ZNF106: variants seen among roughly 807,000 people sequenced by gnomAD.
ZNF106 encodes the protein SH3-domain binding protein 3.
ZNF106 carries 67 observed loss-of-function variants against 195.1 expected under a neutral mutation model. The observed-to-expected ratio is 0.34, with a 90% CI of 0.28 to 0.42. ZNF106 has a LOEUF of 0.42. ZNF106 is among the 10% of genes least tolerant of loss of function. The pLI is 1.00. For synonymous variants in ZNF106, 784 were observed against 818.6 expected (o/e 0.96, Z 0.72); for missense variants, 2,118 against 2,304.5 (o/e 0.92, Z 1.66).
At chr15:42,421,271 A>C in intron 19 of ZNF106, 139 bp from the exon 20 acceptor site, 1 of 754,348 alleles carries the variant, frequency 1.3e-6, no homozygotes, top group South Asian at 1.6e-5. Flanking sequence ...GAGCAGGAGA[A>C]TGGGAAAGTA....
At chr15:42,464,331 C>T (rs1178904988) in intron 3 of ZNF106, among the ~76,000 whole-genome samples, 1 of 146,726 alleles carries the variant, frequency 6.8e-6, no homozygotes, top group East Asian at 2.0e-4. Flanking sequence ...CAGAGTGAGA[C>T]TCCGTCTCAA....
intron 14 of ZNF106, among the ~76,000 whole-genome samples, chr15:42,434,552 T>C (rs1196835242): frequency 1.3e-5 from 2 of 152,202 alleles, no homozygotes; most frequent in Non-Finnish European, 2.9e-5. Flanking sequence ...CTTCTTTATG[T>C]TCCTGTTATC....
At chr15:42,481,291 G>C (rs2056892755) in intron 1 of ZNF106, among the ~76,000 whole-genome samples, 1 of 149,764 alleles carries the variant, frequency 6.7e-6, no homozygotes, top group Non-Finnish European at 1.5e-5. Flanking sequence ...TTATAGTGCA[G>C]ATCTACTAGC....
chr15:42,464,609 C>T (rs1406616934), intron 3 of ZNF106, among the ~76,000 whole-genome samples: 1 of 148,170 alleles, frequency 6.7e-6, no homozygotes, highest in Non-Finnish European at 1.5e-5. Context: ...CTCACTGCAA[C>T]CTCCACCTCC....
At chr15:42,437,160 T>C (rs1375804084) in intron 13 of ZNF106, 72 bp downstream of exon 13, 1 of 1,505,216 alleles carries the variant, frequency 6.6e-7, no homozygotes, top group East Asian at 2.3e-5. Flanking sequence ...TTCCCTTTAT[T>C]GTTTAAAAAA....
In ZNF106 at chr15:42,417,193, A is replaced by G; in HGVS notation, c.*111T>C. 8.4e-7 allele frequency: 1 copy of G among 1,192,440 alleles called. No individual in the cohort carries two copies. Among genetic ancestry groups the G allele is most frequent in the South Asian group, 1.3e-5 (1 of 74,914 alleles). 73.9% of individuals were successfully genotyped at this position (1,192,440 alleles called of 1,614,324 possible). A position where few individuals can be genotyped will look rare whatever the true frequency, so the allele number is the denominator to read the frequency against. ...ATGCTAGGGGTATGCCTGGCTAGTA[A>G]CCACTTTCTCCTTCCTTACTTCACC... On this transcript the variant is annotated 3_prime_UTR_variant, in exon 22 of 22. Coordinates refer to ENST00000564754, the MANE Select transcript of ZNF106 (RefSeq NM_001366845.3).
intron 3 of ZNF106, 35 bp downstream of exon 3, chr15:42,466,018 A>T: frequency 1.3e-6 from 2 of 1,510,298 alleles, no homozygotes; most frequent in East Asian, 2.5e-5. Flanking sequence ...ATCCACCCAC[A>T]TTCACAAACT....
chr15:42,460,197 T>C (rs2056355783), intron 3 of ZNF106, among the ~76,000 whole-genome samples: 1 of 152,168 alleles, frequency 6.6e-6, no homozygotes, highest in Admixed American at 6.6e-5. Context: ...GTATAATCCC[T>C]AAAAAGTATT....
chr15:42,475,319 G>A (rs932856022), intron 1 of ZNF106, among the ~76,000 whole-genome samples: 1 of 152,162 alleles, frequency 6.6e-6, no homozygotes, highest in African/African-American at 2.4e-5. Flanking sequence ...GCACGTGCCT[G>A]TAATCCCAGC....
intron 1 of ZNF106, among the ~76,000 whole-genome samples, chr15:42,476,016 AT>A (rs1189631782): frequency 1.3e-5 from 2 of 152,244 alleles, no homozygotes; most frequent in South Asian, 2.1e-4. Flanking sequence ...GATAAAAAAA[AT>A]AAAGCCATAC....
chr15:42,436,800 T>C (rs144185303), intron 13 of ZNF106, among the ~76,000 whole-genome samples: 1 of 152,298 alleles, frequency 6.6e-6, no homozygotes, highest in East Asian at 1.9e-4. Flanking sequence ...CCCTCCTCTA[T>C]TATGTAGCTG....
chr15:42,456,901 A>G (rs928304211), intron 4 of ZNF106, 57 bp downstream of exon 4: 34 of 1,480,696 alleles, frequency 2.3e-5, no homozygotes, highest in South Asian at 3.8e-5. Flanking sequence ...GATATAAAAT[A>G]TATTCTCTGC....
intron 7 of ZNF106, among the ~76,000 whole-genome samples, chr15:42,445,529 C>T (rs891875648): frequency 6.6e-6 from 1 of 152,150 alleles, no homozygotes; most frequent in Non-Finnish European, 1.5e-5. Flanking sequence ...TTGTGTTTGT[C>T]TGTTTCCTAT....
intron 10 of ZNF106, 22 bp from the exon 11 acceptor site, chr15:42,439,835 T>C: frequency 6.7e-7 from 1 of 1,496,060 alleles, no homozygotes; most frequent in Non-Finnish European, 8.9e-7. Flanking sequence ...GGAAAAAAAT[T>C]ATTGCATCCT....
chr15:42,468,391 T>C (rs2056581554), intron 2 of ZNF106, among the ~76,000 whole-genome samples: 1 of 151,908 alleles, frequency 6.6e-6, no homozygotes, highest in South Asian at 2.1e-4. Flanking sequence ...ACACTTCTTT[T>C]AAATGGCAAT....
intron 12 of ZNF106, among the ~76,000 whole-genome samples, chr15:42,437,989 G>C (rs1269547915): frequency 6.6e-6 from 1 of 151,850 alleles, no homozygotes; most frequent in Non-Finnish European, 1.5e-5. Context: ...TTATTTCTTT[G>C]AGTAATGTAG....
At chr15:42,419,323 C>A (rs1854720608) in intron 20 of ZNF106, among the ~76,000 whole-genome samples, 1 of 151,834 alleles carries the variant, frequency 6.6e-6, no homozygotes, top group Admixed American at 6.6e-5. Flanking sequence ...GCCAAGATCG[C>A]ACTCCAGCCT....
At chr15:42,484,121 A>C (rs1474205689) in intron 1 of ZNF106, among the ~76,000 whole-genome samples, 1 of 152,206 alleles carries the variant, frequency 6.6e-6, no homozygotes, top group African/African-American at 2.4e-5. Flanking sequence ...TATTATAACA[A>C]TCCCCAGTGT....
intron 1 of ZNF106, among the ~76,000 whole-genome samples, chr15:42,484,571 C>G (rs964714875): frequency 6.6e-6 from 1 of 151,934 alleles, no homozygotes; most frequent in Non-Finnish European, 1.5e-5. Context: ...GAAATACCAT[C>G]TCTACTAAAC....
Sources: gnomAD v4.1 joint callset for allele counts (sites outside exome capture counted in the v4.1 genomes callset) on GRCh38, gnomAD v4.1.1 for gene constraint, MANE v1.5 for transcripts, NCBI Gene and HGNC (gene_info 2026-07-23, HGNC 2026-07-21) for gene names.